The following RMI1 variants were observed in gnomAD, a reference collection of about 807,000 sequenced individuals.
RMI1 encodes RecQ mediated genome instability 1.
A neutral mutation model predicts 46.7 loss-of-function variants in RMI1; 36 were observed. The ratio of observed to expected loss-of-function variants is 0.77; its 90% CI spans 0.59 to 1.02. RMI1 has a LOEUF of 1.02. RMI1 is among the 50% of genes least tolerant of loss of function. The pLI is 0.00. For synonymous variants in RMI1, 250 were observed against 252.9 expected, an observed-to-expected ratio of 0.99 and a Z score of 0.11; for missense variants, 676 against 713.7, an observed-to-expected ratio of 0.95 and a Z score of 0.60.
intron 1 of RMI1, among the ~76,000 whole-genome samples, chr9:83,999,182 A>G (rs1957702333): frequency 9.1e-6 from 1 of 109,360 alleles, no homozygotes; most frequent in Admixed American, 1.1e-4. Context: ...ATAGAATAAA[A>G]TAAAATAAAA....
At chr9:83,989,924 C>G (rs1957543870) in intron 1 of RMI1, among the ~76,000 whole-genome samples, 1 of 152,036 alleles carries the variant, frequency 6.6e-6, no homozygotes, top group African/African-American at 2.4e-5. Context: ...TTACAGTTTC[C>G]AAGATACGGA....
In RMI1 at chr9:83,997,100, AC is replaced by A. The variant is rs1392740034; in HGVS notation, c.-125-2601del. On this transcript the variant is annotated intron_variant, in intron 1 of 2. Transcript: ENST00000445877. ...TTTTAAAGGTAGAGGTAAGTCCAAC[AC>A]CCCCCCCTTTTTTTTTTTTTTTTTT... is the stretch of plus-strand genomic sequence containing the variant. 9.8e-3 allele frequency among the ~76,000 whole-genome samples: 910 copies of A among 92,724 alleles called. 78 individuals carry two copies. The highest frequency in any genetic ancestry group is 0.027 in the African/African-American group (564 of 20,862). 60.8% of individuals were successfully genotyped at this position (92,724 alleles called of 152,430 possible). A position where few individuals can be genotyped will look rare whatever the true frequency, so the allele number is the denominator to read the frequency against.
chr9:83,983,451 C>T (rs1957447971), intron 1 of RMI1, among the ~76,000 whole-genome samples: 1 of 152,166 alleles, frequency 6.6e-6, no homozygotes, highest in South Asian at 2.1e-4. Flanking sequence ...TTGAACTCAT[C>T]CTCAATGAAT....
intron 1 of RMI1, among the ~76,000 whole-genome samples, chr9:83,984,431 G>A (rs1201851113): frequency 2.7e-5 from 4 of 147,186 alleles, no homozygotes; most frequent in Non-Finnish European, 3.0e-5. Flanking sequence ...TACCAAGCTC[G>A]GCTAATTTTT....
rs1957494328 is a variant in RMI1 at position 83,986,634 on chromosome 9, A to C, written c.-126+5743A>C. Reference sequence around the variant, plus strand: ...GGTTTAGATAACATTGTAGATGTAGAAGTACATTTTTTATTGATATCTTTA... The same window carrying C: ...GGTTTAGATAACATTGTAGATGTAGCAGTACATTTTTTATTGATATCTTTA... On this transcript the variant is annotated intron_variant, in intron 1 of 2. Coordinates refer to ENST00000445877, the MANE Select transcript of RMI1 (RefSeq NM_001358291.2). 2.0e-5 allele frequency among the ~76,000 whole-genome samples: 3 copies of C among 152,214 alleles called. No homozygotes were observed. In the South Asian group the frequency reaches 6.2e-4, roughly 31 times the overall value.
rs531917492 is a variant in RMI1 at position 83,998,254 on chromosome 9, T to C, written c.-125-1455T>C. The stretch of plus-strand genomic sequence containing the variant: ...GAATTTTTACATTGTTTTTTACATA[T>C]AGTTTAAAAAATGTTTATACTCTCA... On this transcript the variant is annotated intron_variant, in intron 1 of 2. Coordinates refer to ENST00000445877, the MANE Select transcript of RMI1 (RefSeq NM_001358291.2). Among the ~76,000 whole-genome samples, 7 of 152,332 alleles carry C rather than the reference T, an allele frequency of 4.6e-5. No individual in the cohort carries two copies. In the South Asian group the frequency reaches 1.4e-3, roughly 32 times the overall value.
chr9:83,995,145 G>A (rs1447654704), intron 1 of RMI1, among the ~76,000 whole-genome samples: 1 of 151,286 alleles, frequency 6.6e-6, no homozygotes, highest in Middle Eastern at 3.2e-3. Context: ...GATTACAGGT[G>A]CGTGCAACCA....
rs1485756761 is a variant in RMI1, at chr9:84,003,102, A to G, written c.*238A>G. 6.5e-5 allele frequency: 21 copies of G among 321,014 alleles called. No homozygotes were observed. Among genetic ancestry groups the G allele is most frequent in the Non-Finnish European group, 4.2e-5 (7 of 166,976 alleles). The allele number at this position is 321,014 out of a possible 1,614,324, so 19.9% of individuals were successfully genotyped here. On this transcript the variant is annotated 3_prime_UTR_variant, in exon 3 of 3. Coordinates refer to ENST00000445877, the MANE Select transcript of RMI1 (RefSeq NM_001358291.2). ...TGCTCTGTTGCCCAGGCTAGAGTGC[A>G]GTGGCATGATCATAGGTTATTGCAT...
chr9:83,997,107 C>CT (rs375763717), intron 1 of RMI1, among the ~76,000 whole-genome samples: 21,773 of 91,454 alleles, frequency 0.24, 2,727 homozygotes, highest in East Asian at 0.39. Flanking sequence ...AACACCCCCC[C>CT]CTTTTTTTTT....
rs926382652 is a variant in RMI1 at position 83,986,629 on chromosome 9, T to G, written c.-126+5738T>G. Among the ~76,000 whole-genome samples, 99 of 152,370 alleles carry G rather than the reference T, an allele frequency of 6.5e-4. 2 individuals carry two copies. The highest frequency in any genetic ancestry group is 2.2e-3 in the African/African-American group (92 of 41,592). On this transcript the variant is annotated intron_variant, in intron 1 of 2. Coordinates refer to ENST00000445877, the MANE Select transcript of RMI1 (RefSeq NM_001358291.2). ...TTTGAGGTTTAGATAACATTGTAGA[T>G]GTAGAAGTACATTTTTTATTGATAT...
chr9:83,991,793 A>G (rs544722647), intron 1 of RMI1, among the ~76,000 whole-genome samples: 1 of 152,268 alleles, frequency 6.6e-6, no homozygotes, highest in East Asian at 1.9e-4. Flanking sequence ...TCAATTGATC[A>G]TATATATGTG....
chr9:83,980,875 A>G lies in RMI1; in HGVS notation c.-142A>G, dbSNP rs1212643921. 2 of 152,356 alleles carry G rather than the reference A, an allele frequency of 1.3e-5. No individual in the cohort carries two copies. Among genetic ancestry groups the G allele is most frequent in the African/African-American group, 4.8e-5 (2 of 41,452 alleles). The allele number at this position is 152,356 out of a possible 1,614,324, so 9.4% of individuals were successfully genotyped here. A position where few individuals can be genotyped will look rare whatever the true frequency, so the allele number is the denominator to read the frequency against. ...CCCAGGGACCGATGTTGCGCGAGGA[A>G]AATGCGGGACGCCCAGGTCGGTGCT... is the stretch of plus-strand genomic sequence containing the variant. On this transcript the variant is annotated 5_prime_UTR_variant, in exon 1 of 3. Transcript: ENST00000445877.
At chr9:83,980,702 G>A (rs995311532), upstream of RMI1, 1 of 152,422 alleles carries the variant, frequency 6.6e-6, no homozygotes. Flanking sequence ...ACGCGCACAG[G>A]GAGGGGGCGG....
chr9:83,992,485 A>C (rs1160190197), intron 1 of RMI1, among the ~76,000 whole-genome samples: 1 of 152,092 alleles, frequency 6.6e-6, no homozygotes, highest in Non-Finnish European at 1.5e-5. Flanking sequence ...AAAAAGCATA[A>C]AAACATGGCA....
chr9:83,997,836 C>T (rs1006303488), intron 1 of RMI1, among the ~76,000 whole-genome samples: 3 of 150,770 alleles, frequency 2.0e-5, no homozygotes, highest in Admixed American at 1.3e-4. Flanking sequence ...CTTGCTCTGT[C>T]GCCCAGGTGG....
intron 1 of RMI1, among the ~76,000 whole-genome samples, chr9:83,984,247 A>G (rs953070360): frequency 5.3e-5 from 8 of 151,160 alleles, no homozygotes; most frequent in Non-Finnish European, 1.0e-4. Flanking sequence ...AAGTAAAAGA[A>G]GTGGATAATA....
chr9:84,002,025 C>T lies in RMI1; in HGVS notation c.1039C>T (p.Arg347Ter), dbSNP rs781655436. The T allele has an allele frequency of 1.5e-5, 25 of 1,613,838 alleles. No homozygotes were observed. The highest frequency in any genetic ancestry group is 3.3e-5 in the South Asian group (3 of 91,032). ...ATTGACTTTTAACAGAAATGCCGATCGAAGTATAGAGAGATTTTCACATAA... is the reference window on the plus strand; with the variant it reads ...ATTGACTTTTAACAGAAATGCCGATTGAAGTATAGAGAGATTTTCACATAA... ...QPLTFNRNAD[R>*]SIERFSHNPN... The change falls in exon 3 of 3, where the codon CGA becomes TGA. Residue 347 changes from arginine to a stop codon, truncating the protein, a stop_gained. Transcript: ENST00000445877. LOFTEE classifies it high-confidence loss of function.
intron 1 of RMI1, among the ~76,000 whole-genome samples, chr9:83,989,667 C>CAAAA (rs34101686): frequency 1.1e-3 from 160 of 142,048 alleles, no homozygotes; most frequent in Non-Finnish European, 2.0e-3. Context: ...ATCAAAAAGA[C>CAAAA]AAAAAAAAAA....
In RMI1 at chr9:84,003,997, T is replaced by C. The variant is rs1353037542; in HGVS notation, c.*1133T>C. On this transcript the variant is annotated 3_prime_UTR_variant, in exon 3 of 3. Transcript: ENST00000445877. The stretch of plus-strand genomic sequence containing the variant: ...AGTTGTATTTGAAAGGTAATGTTGT[T>C]TTTATTAATCTTTTGTCTTAAAATA... The C allele has an allele frequency of 6.2e-6, 1 of 160,348 alleles. No individual in the cohort carries two copies. Among genetic ancestry groups the C allele is most frequent in the African/African-American group, 2.5e-5 (1 of 39,322 alleles). The allele number at this position is 160,348 out of a possible 1,614,324, so 9.9% of individuals were successfully genotyped here.
Sources: gnomAD v4.1 joint callset for allele counts (sites outside exome capture counted in the v4.1 genomes callset) on GRCh38, gnomAD v4.1.1 for gene constraint, MANE v1.5 for transcripts, NCBI Gene and HGNC (gene_info 2026-07-23, HGNC 2026-07-21) for gene names.